PPP1R36: variants seen among roughly 807,000 people sequenced by gnomAD.
The protein encoded by PPP1R36 is protein phosphatase 1 regulatory subunit 36, also known as chromosome 14 open reading frame 50.
Under a neutral mutation model 53.4 loss-of-function variants are expected in PPP1R36, and 47 were observed. The observed-to-expected ratio is 0.88, with a 90% CI of 0.70 to 1.12. The LOEUF is 1.12. Ranked by LOEUF, PPP1R36 falls within the 50% of genes most tolerant of loss-of-function variation. The probability of loss-of-function intolerance (pLI) is 0.00; values close to 1 mark genes in which losing one functional copy is unlikely to be tolerated. For synonymous variants in PPP1R36, 153 were observed against 170.5 expected, an observed-to-expected ratio of 0.90 and a Z score of 0.80; for missense variants, 456 against 513.9, an observed-to-expected ratio of 0.89 and a Z score of 1.09.
chr14:64,551,084 A>G, intron 2 of PPP1R36, 99 bp downstream of exon 2: 2 of 727,150 alleles, frequency 2.8e-6, no homozygotes, highest in Non-Finnish European at 4.5e-6. Context: ...ATACCCACTG[A>G]ACCTTTGCCA....
intron 7 of PPP1R36, among the ~76,000 whole-genome samples, 189 bp from the exon 8 acceptor site, chr14:64,574,266 G>A (rs1410758739): frequency 6.6e-6 from 1 of 152,152 alleles, no homozygotes; most frequent in Non-Finnish European, 1.5e-5. Context: ...GAGGCAGGAG[G>A]ATTGCTTGAG....
chr14:64,559,372 T>C (rs2080185481), intron 3 of PPP1R36: 1 of 152,478 alleles, frequency 6.6e-6, no homozygotes. Flanking sequence ...TACCAGGAAC[T>C]GCTGCCACTG....
In PPP1R36 at chr14:64,566,645, C is replaced by T. The variant is rs565458320; in HGVS notation, c.434+953C>T. On this transcript the variant is annotated intron_variant, in intron 6 of 11. Transcript: ENST00000298705. ...TATGGCTATGCGTGGCTGTGCCTCACGTGGCCTCAGCACCGCGAACGCTCA... is the reference window on the plus strand; with the variant it reads ...TATGGCTATGCGTGGCTGTGCCTCATGTGGCCTCAGCACCGCGAACGCTCA... 3.3e-5 allele frequency among the ~76,000 whole-genome samples: 5 copies of T among 152,280 alleles called. 1 individual carries two copies. Among genetic ancestry groups the T allele is most frequent in the African/African-American group, 1.2e-4 (5 of 41,544 alleles).
intron 3 of PPP1R36, among the ~76,000 whole-genome samples, chr14:64,562,907 C>G (rs1429904332): frequency 6.6e-6 from 1 of 152,036 alleles, no homozygotes; most frequent in East Asian, 1.9e-4. Context: ...ACTCTTGTTG[C>G]CCAGGCTGGA....
intron 6 of PPP1R36, among the ~76,000 whole-genome samples, chr14:64,568,049 T>G (rs374445792): frequency 2.6e-5 from 4 of 152,298 alleles, no homozygotes; most frequent in South Asian, 4.1e-4. Flanking sequence ...TCTACATTTT[T>G]TAAACAATGG....
At chr14:64,572,288 A>G (rs2080309519) in intron 7 of PPP1R36, among the ~76,000 whole-genome samples, 1 of 152,204 alleles carries the variant, frequency 6.6e-6, no homozygotes, top group Non-Finnish European at 1.5e-5. Context: ...AGCAATGCAT[A>G]AGCGCATCCG....
intron 8 of PPP1R36, among the ~76,000 whole-genome samples, chr14:64,583,380 G>A (rs1027193230): frequency 2.0e-5 from 3 of 152,270 alleles, no homozygotes; most frequent in East Asian, 1.9e-4. Flanking sequence ...GTCCCCAGAT[G>A]TATTCACTGT....
intron 8 of PPP1R36, among the ~76,000 whole-genome samples, chr14:64,581,447 T>A (rs1037081192): frequency 6.6e-6 from 1 of 152,254 alleles, no homozygotes; most frequent in Non-Finnish European, 1.5e-5. Flanking sequence ...CAGGGACATA[T>A]GTTAAAATGT....
intron 1 of PPP1R36, 131 bp downstream of exon 1, chr14:64,550,197 C>T: frequency 7.0e-7 from 1 of 1,424,682 alleles, no homozygotes; most frequent in Admixed American, 2.7e-5. Context: ...TGGCGGTTCT[C>T]AAAGACACCT....
intron 7 of PPP1R36, among the ~76,000 whole-genome samples, chr14:64,569,341 G>A (rs2080285236): frequency 6.6e-6 from 1 of 152,208 alleles, no homozygotes; most frequent in South Asian, 2.1e-4. Context: ...TTAAGTTGTT[G>A]CTGCAGGATG....
intron 3 of PPP1R36, among the ~76,000 whole-genome samples, chr14:64,563,674 T>G (rs1018844707): frequency 7.2e-5 from 11 of 152,194 alleles, no homozygotes; most frequent in African/African-American, 2.7e-4. Flanking sequence ...AAGGAAATAA[T>G]AAAGTTCTCA....
chr14:64,574,943 A>T (rs2080331217), intron 8 of PPP1R36, among the ~76,000 whole-genome samples: 1 of 152,224 alleles, frequency 6.6e-6, no homozygotes, highest in African/African-American at 2.4e-5. Flanking sequence ...CAGGGGGATT[A>T]GGTGTCTCCC....
At chr14:64,564,870 TG>T in intron 4 of PPP1R36, 33 bp downstream of exon 4, 7 of 1,407,746 alleles carry the variant, frequency 5.0e-6, no homozygotes, top group Non-Finnish European at 6.0e-6. Flanking sequence ...CCAGAGTTGC[TG>T]ATAGCATCTC....
At chr14:64,565,311 TA>T in intron 4 of PPP1R36, 45 bp from the exon 5 acceptor site, 1 of 1,362,604 alleles carries the variant, frequency 7.3e-7, no homozygotes, top group South Asian at 1.3e-5. Context: ...TAAATACAAC[TA>T]AAATATATTA....
chr14:64,566,357 C>T (rs1187532519), intron 6 of PPP1R36, among the ~76,000 whole-genome samples: 2 of 150,518 alleles, frequency 1.3e-5, no homozygotes, highest in African/African-American at 4.9e-5. Context: ...GCAGGAGAAT[C>T]GCTTGAACCT....
In PPP1R36 at chr14:64,583,768, C is replaced by G. The variant is rs754317342; in HGVS notation, c.669-3069C>G. On this transcript the variant is annotated intron_variant, in intron 8 of 11. Transcript: ENST00000298705. ...GGCAGAGGTTGCGGTGAGCCAAGAT[C>G]GTGCCATTGCACTCCAGCCTAGACA... Among the ~76,000 whole-genome samples, 7 of 106,060 alleles carry G rather than the reference C, an allele frequency of 6.6e-5. 1 individual carries two copies. The highest frequency in any genetic ancestry group is 1.5e-4 in the Non-Finnish European group (7 of 46,886). The allele number at this position is 106,060 out of a possible 152,430, so 69.6% of individuals were successfully genotyped here.
chr14:64,552,754 A>T (rs2080105849), intron 2 of PPP1R36, 60 bp from the exon 3 acceptor site: 2 of 1,305,112 alleles, frequency 1.5e-6, no homozygotes, highest in Non-Finnish European at 2.2e-6. Flanking sequence ...TAGAATATGT[A>T]TTTCAGTATT....
At chr14:64,551,722 T>A in intron 2 of PPP1R36, 1 of 455,162 alleles carries the variant, frequency 2.2e-6, no homozygotes, top group Non-Finnish European at 4.4e-6. Context: ...AACCAAGATT[T>A]GTCTAATGCT....
At chr14:64,565,237 C>T in intron 4 of PPP1R36, 120 bp from the exon 5 acceptor site, 1 of 646,202 alleles carries the variant, frequency 1.5e-6, no homozygotes, top group Non-Finnish European at 2.7e-6. Flanking sequence ...TCAAACAAAA[C>T]CCATGTATGA....
Sources: gnomAD v4.1 joint callset for allele counts (sites outside exome capture counted in the v4.1 genomes callset) on GRCh38, gnomAD v4.1.1 for gene constraint, MANE v1.5 for transcripts, NCBI Gene and HGNC (gene_info 2026-07-23, HGNC 2026-07-21) for gene names.